GAK: variants seen among roughly 807,000 people sequenced by gnomAD.
GAK encodes cyclin G associated kinase, also known as cyclin-G-associated kinase.
GAK carries 79 observed loss-of-function variants against 143.9 expected under a neutral mutation model. The ratio of observed to expected loss-of-function variants is 0.55; its 90% CI spans 0.46 to 0.66. The LOEUF is 0.66. GAK is among the 30% of genes least tolerant of loss of function. The probability of loss-of-function intolerance (pLI) is 0.00; values close to 1 mark genes in which losing one functional copy is unlikely to be tolerated. For missense variants in GAK, 1,693 were observed against 1,779.7 expected (o/e 0.95, Z 0.88); for synonymous variants, 881 against 765.5 (o/e 1.15, Z -2.49).
chr4:901,540 C>T (rs962373423), intron 5 of GAK, among the ~76,000 whole-genome samples: 2 of 152,252 alleles, frequency 1.3e-5, no homozygotes, highest in East Asian at 3.8e-4. Context: ...GCACGGGGTG[C>T]AGGGCCAGGT....
intron 1 of GAK, among the ~76,000 whole-genome samples, chr4:919,646 C>T (rs1723613100): frequency 6.6e-6 from 1 of 152,256 alleles, no homozygotes; most frequent in African/African-American, 2.4e-5. Context: ...CTCACCGCTT[C>T]TGCGATGCCT....
chr4:859,612 G>C lies in GAK; in HGVS notation c.3277C>G (p.Leu1093Val). 1 of 1,596,988 alleles carries C rather than the reference G, an allele frequency of 6.3e-7. No individual in the cohort carries two copies. The change falls in exon 24 of 28, where the codon CTC (leucine) becomes GTC (valine). Residue 1093 changes from leucine (L) to valine (V), a missense_variant. Transcript: ENST00000314167. The stretch of plus-strand genomic sequence containing the variant: ...AAAGTGCCCTCCACGTTACCTTGGA[G>C]GCCGGAGCTGAGGTCGCCAAGGTCA... ...FADLGDLSSG[L>V]QGSPAGFPPG...
chr4:877,156 C>T lies in GAK; in HGVS notation c.1908G>A (p.Val636=), dbSNP rs1405504019. ...AGATGACGATGAGCACGTCTCCTTG[C>T]ACCGTGACGCCCAGGGGAATCACCG... The part of the protein sequence containing the change: ...GKAVIPLGVT[V]QGDVLIVIYH... Residue 636 remains valine, a synonymous_variant, in exon 17 of 28, where the codon GTG becomes GTA. Coordinates refer to ENST00000314167, the MANE Select transcript of GAK (RefSeq NM_005255.4). The T allele has an allele frequency of 1.9e-6, 3 of 1,614,096 alleles. No homozygotes were observed. Among genetic ancestry groups the T allele is most frequent in the Non-Finnish European group, 2.5e-6 (3 of 1,179,980 alleles).
intron 1 of GAK, among the ~76,000 whole-genome samples, chr4:922,242 C>T (rs775162878): frequency 6.6e-6 from 1 of 152,038 alleles, no homozygotes; most frequent in Non-Finnish European, 1.5e-5. Context: ...CGGCCGGGCG[C>T]GGTGGCTCAG....
At chr4:913,890 A>C (rs1395347917) in intron 1 of GAK, 1 of 364,212 alleles carries the variant, frequency 2.7e-6, no homozygotes, top group Non-Finnish European at 4.8e-6. Flanking sequence ...CCACACACAC[A>C]CAGCCCCAGC....
chr4:877,782 C>T lies in GAK; in HGVS notation c.1689G>A (p.Val563=). 1 of 1,608,894 alleles carries T rather than the reference C, an allele frequency of 6.2e-7. No homozygotes were observed. Among genetic ancestry groups the T allele is most frequent in the Non-Finnish European group, 8.5e-7 (1 of 1,177,858 alleles). Residue 563 remains valine, a synonymous_variant, in exon 16 of 28, where the codon GTG becomes GTA. Coordinates refer to ENST00000314167, the MANE Select transcript of GAK (RefSeq NM_005255.4). ...KRYIEYMCDM[V]AEEPITPHSK... Reference sequence around the variant, plus strand: ...TGTGGGGTGTGATGGGCTCCTCCGCCACCATGTCACACATGTACTCGATGT... The same window carrying T: ...TGTGGGGTGTGATGGGCTCCTCCGCTACCATGTCACACATGTACTCGATGT...
intron 5 of GAK, among the ~76,000 whole-genome samples, chr4:902,606 A>AAAAAAAAAAAACC (rs1422365462): frequency 9.7e-6 from 1 of 103,528 alleles, no homozygotes; most frequent in Admixed American, 1.1e-4. Context: ...CAAAAAAAAA[A>AAAAAAAAAAAACC]AAAAAAAACC....
chr4:859,491 G>T lies in GAK; in HGVS notation c.3283+115C>A, dbSNP rs542335005. The T allele has an allele frequency of 1.1e-3, 1,805 of 1,601,374 alleles. 13 individuals carry two copies. Among genetic ancestry groups the T allele is most frequent in the Non-Finnish European group, 9.8e-4 (1,152 of 1,173,130 alleles). ...GGGCTCACTGTGCTCTGGGCTTGGG[G>T]GTCTTAGTGAACAGAGGCAAAGACT... On this transcript the variant is annotated intron_variant, in intron 24 of 27. Coordinates refer to ENST00000314167, the MANE Select transcript of GAK (RefSeq NM_005255.4).
intron 27 of GAK, 47 bp from the exon 28 acceptor site, chr4:849,821 C>CGGGGGGGG: frequency 1.3e-5 from 18 of 1,435,230 alleles, no homozygotes; most frequent in South Asian, 2.5e-5. Context: ...CATGCGGGGG[C>CGGGGGGGG]GGGCGGGGCA....
At chr4:868,423 G>A (rs970412458) in intron 20 of GAK, 116 bp downstream of exon 20, 4 of 1,005,828 alleles carry the variant, frequency 4.0e-6, no homozygotes, top group Non-Finnish European at 5.8e-6. Flanking sequence ...GCCCCACTGA[G>A]GTGCAACTCA....
At chr4:864,226 T>C (rs1483469502) in intron 23 of GAK, among the ~76,000 whole-genome samples, 1 of 152,164 alleles carries the variant, frequency 6.6e-6, no homozygotes, top group Non-Finnish European at 1.5e-5. Flanking sequence ...CTGGGCATGG[T>C]GGCACATGCC....
chr4:865,558 C>T (rs1053999234), intron 22 of GAK, among the ~76,000 whole-genome samples: 19 of 152,170 alleles, frequency 1.2e-4, no homozygotes, highest in Admixed American at 3.3e-4. Flanking sequence ...CCACAGCCTG[C>T]GTTCCCGCCT....
At chr4:876,735 C>T (rs1713976318) in intron 17 of GAK, 126 bp from the exon 18 acceptor site, 1 of 778,396 alleles carries the variant, frequency 1.3e-6, no homozygotes, top group Non-Finnish European at 2.2e-6. Context: ...GGACGGCGCC[C>T]CCGTGCCACA....
chr4:882,542 C>G (rs1377630288), intron 14 of GAK, among the ~76,000 whole-genome samples, 155 bp downstream of exon 14: 1 of 152,234 alleles, frequency 6.6e-6, no homozygotes, highest in Non-Finnish European at 1.5e-5. Flanking sequence ...TCTGTCCCCT[C>G]CAGACCCAAA....
intron 20 of GAK, among the ~76,000 whole-genome samples, chr4:868,021 G>A (rs1398628628): frequency 2.6e-5 from 4 of 152,242 alleles, no homozygotes; most frequent in South Asian, 4.1e-4. Flanking sequence ...CAGAAGGGAC[G>A]AGCCCGATGG....
chr4:906,123 A>T (rs1447711127), intron 4 of GAK, among the ~76,000 whole-genome samples: 1 of 152,234 alleles, frequency 6.6e-6, no homozygotes, highest in Non-Finnish European at 1.5e-5. Flanking sequence ...TTGGCGTCCC[A>T]GCAGCCGAGG....
intron 5 of GAK, among the ~76,000 whole-genome samples, chr4:899,407 C>T (rs903000121): frequency 5.3e-5 from 8 of 151,962 alleles, no homozygotes; most frequent in Non-Finnish European, 8.8e-5. Flanking sequence ...TCGGCACACA[C>T]GCGGTCAGTA....
At chr4:908,832 T>C (rs1721533193) in intron 4 of GAK, among the ~76,000 whole-genome samples, 3 of 152,170 alleles carry the variant, frequency 2.0e-5, no homozygotes. Flanking sequence ...AGGAAAATTA[T>C]ATAAAGTAAA....
intron 23 of GAK, among the ~76,000 whole-genome samples, chr4:864,255 G>A (rs1256708665): frequency 6.6e-6 from 1 of 152,280 alleles, no homozygotes; most frequent in Non-Finnish European, 1.5e-5. Flanking sequence ...CAGTTACTCA[G>A]GAGGCTGGGG....
Sources: gnomAD v4.1 joint callset for allele counts (sites outside exome capture counted in the v4.1 genomes callset) on GRCh38, gnomAD v4.1.1 for gene constraint, MANE v1.5 for transcripts, NCBI Gene and HGNC (gene_info 2026-07-23, HGNC 2026-07-21) for gene names.